The following ZNF33A variants were observed in gnomAD, a reference collection of about 807,000 sequenced individuals.
The protein encoded by ZNF33A is brain my041 protein.
In ZNF33A, 9 loss-of-function variants were observed where a neutral mutation model predicts 15.9. The observed-to-expected ratio is 0.57, with a 90% CI of 0.34 to 0.99. ZNF33A has a LOEUF of 0.99. Among genes scored for constraint, ZNF33A ranks in the 50% least tolerant of loss-of-function variants. ZNF33A has a pLI of 0.02. For synonymous variants in ZNF33A, 294 were observed against 324.2 expected, an observed-to-expected ratio of 0.91 and a Z score of 1.00; for missense variants, 843 against 941.6, an observed-to-expected ratio of 0.90 and a Z score of 1.37.
intron 4 of ZNF33A, among the ~76,000 whole-genome samples, chr10:38,023,643 AT>A (rs1564840650): frequency 3.9e-5 from 6 of 152,234 alleles, no homozygotes; most frequent in Non-Finnish European, 8.8e-5. Context: ...CAAAATATTT[AT>A]AGCAAATATA....
At chr10:38,028,867 G>T (rs1314715062) in intron 4 of ZNF33A, among the ~76,000 whole-genome samples, 1 of 152,042 alleles carries the variant, frequency 6.6e-6, no homozygotes, top group Non-Finnish European at 1.5e-5. Flanking sequence ...TAACCATGGG[G>T]ATTGCTTTCA....
chr10:38,057,322 C>T lies in ZNF33A; in HGVS notation c.*762C>T. The T allele has an allele frequency of 1.0e-6, 1 of 985,366 alleles. No homozygotes were observed. The allele number at this position is 985,366 out of a possible 1,614,324, so 61.0% of individuals were successfully genotyped here. A position where few individuals can be genotyped will look rare whatever the true frequency, so the allele number is the denominator to read the frequency against. On this transcript the variant is annotated 3_prime_UTR_variant, in exon 5 of 5. Transcript: ENST00000432900. Reference sequence around the variant, plus strand: ...TTTCTGCAACCCTATCCCTTGCATCCACTTGACTATGAAGTTTTTTTAAAG... The same window carrying T: ...TTTCTGCAACCCTATCCCTTGCATCTACTTGACTATGAAGTTTTTTTAAAG...
chr10:38,037,425 G>A (rs544234395), intron 4 of ZNF33A, among the ~76,000 whole-genome samples: 7 of 151,846 alleles, frequency 4.6e-5, no homozygotes, highest in Admixed American at 2.0e-4. Context: ...CTGGGTTCAC[G>A]CAAGTCTCCT....
At chr10:38,033,285 A>G (rs1247330118) in intron 4 of ZNF33A, among the ~76,000 whole-genome samples, 2 of 152,162 alleles carry the variant, frequency 1.3e-5, no homozygotes, top group Non-Finnish European at 2.9e-5. Flanking sequence ...ATGTATCAAT[A>G]TTTCACTTGT....
At chr10:38,053,428 A>C (rs2066303471) in intron 4 of ZNF33A, among the ~76,000 whole-genome samples, 1 of 152,130 alleles carries the variant, frequency 6.6e-6, no homozygotes, top group African/African-American at 2.4e-5. Context: ...TTCTTCTTAT[A>C]AGGACACCAA....
intron 4 of ZNF33A, among the ~76,000 whole-genome samples, chr10:38,030,152 A>G (rs1429971574): frequency 1.3e-5 from 2 of 152,202 alleles, no homozygotes; most frequent in Admixed American, 6.5e-5. Flanking sequence ...TATGTTTTTG[A>G]TGGCATGTAA....
At chr10:38,019,174 C>T (rs567977482) in intron 4 of ZNF33A, among the ~76,000 whole-genome samples, 21 of 151,644 alleles carry the variant, frequency 1.4e-4, no homozygotes, top group African/African-American at 4.4e-4. Flanking sequence ...TGTGATGTTC[C>T]CCTTCCTGTG....
At chr10:38,065,378 G>T (rs2066700546), downstream of ZNF33A, among the ~76,000 whole-genome samples, 1 of 152,118 alleles carries the variant, frequency 6.6e-6, no homozygotes. Flanking sequence ...CCAGGAATGT[G>T]CTTTTAATCA....
At position 38,018,971 on chromosome 10, in the gene ZNF33A, A is replaced by AATTTT. The variant is rs911148989; in HGVS notation, c.250+1604_250+1608dup. ...TTTTTTTTTAATTTGAGCTTGTGAT[A>AATTTT]ATTTTATTTTATTTTATTTTATTAT... On this transcript the variant is annotated intron_variant, in intron 4 of 4. Coordinates refer to ENST00000432900, the MANE Select transcript of ZNF33A (RefSeq NM_006954.2). 3.3e-5 allele frequency among the ~76,000 whole-genome samples: 5 copies of AATTTT among 151,712 alleles called. No homozygotes were observed. The South Asian group carries it at 8.3e-4, about 25-fold the overall frequency.
chr10:38,010,933 C>T (rs911768006), intron 1 of ZNF33A, 150 bp downstream of exon 1: 2 of 933,258 alleles, frequency 2.1e-6, no homozygotes, highest in Non-Finnish European at 3.2e-6. Flanking sequence ...GTGTGGGCCA[C>T]GACGCTAGGC....
intron 4 of ZNF33A, among the ~76,000 whole-genome samples, chr10:38,030,201 A>G (rs534764334): frequency 7.6e-4 from 116 of 152,342 alleles, no homozygotes; most frequent in Middle Eastern, 3.4e-3. Context: ...TGTCAGTTCC[A>G]TTTAAAACTA....
rs1029508589 is a variant in ZNF33A, at chr10:38,059,087, A to G, written c.*2527A>G. 1 of 152,228 alleles carries G rather than the reference A, an allele frequency of 6.6e-6. No homozygotes were observed. The highest frequency in any genetic ancestry group is 6.5e-5 in the Admixed American group (1 of 15,278). The allele number at this position is 152,228 out of a possible 1,614,324, so 9.4% of individuals were successfully genotyped here. A position where few individuals can be genotyped will look rare whatever the true frequency, so the allele number is the denominator to read the frequency against. On this transcript the variant is annotated 3_prime_UTR_variant, in exon 5 of 5. Coordinates refer to ENST00000432900, the MANE Select transcript of ZNF33A (RefSeq NM_006954.2). ...TTTGATATTCAGTGTAATCCATTGC[A>G]TGCATTAGCAGCTCAAAGATGAAAT...
intron 4 of ZNF33A, among the ~76,000 whole-genome samples, chr10:38,049,096 A>G (rs1423434321): frequency 1.3e-5 from 2 of 152,286 alleles, no homozygotes; most frequent in East Asian, 3.9e-4. Context: ...AGGGGTTTAA[A>G]TTTAGTTAAA....
chr10:38,050,320 C>T (rs1486417438), intron 4 of ZNF33A, among the ~76,000 whole-genome samples: 1 of 152,168 alleles, frequency 6.6e-6, no homozygotes, highest in East Asian at 1.9e-4. Flanking sequence ...TGGTTAATCC[C>T]TGGCAGGCTT....
At chr10:38,029,158 T>A (rs938923400) in intron 4 of ZNF33A, among the ~76,000 whole-genome samples, 3 of 152,230 alleles carry the variant, frequency 2.0e-5, no homozygotes, top group African/African-American at 7.2e-5. Flanking sequence ...GAAATCTTTA[T>A]TTTTTCCTCC....
chr10:38,029,482 G>A (rs1476173787), intron 4 of ZNF33A, among the ~76,000 whole-genome samples: 3 of 152,214 alleles, frequency 2.0e-5, no homozygotes, highest in East Asian at 1.9e-4. Context: ...ATTTGAAGTC[G>A]CCTTTTTCCT....
At chr10:38,025,622 G>A (rs1405157662) in intron 4 of ZNF33A, among the ~76,000 whole-genome samples, 3 of 152,246 alleles carry the variant, frequency 2.0e-5, no homozygotes, top group Non-Finnish European at 2.9e-5. Context: ...ATTTGGAACC[G>A]TGAGGAAATA....
chr10:38,058,663 C>G lies in ZNF33A; in HGVS notation c.*2103C>G, dbSNP rs1356311512. ...GCATGCGTGTGTAGTCGAAGCTACT[C>G]AGGAGGCTGAGGCAGAAGAATCACT... On this transcript the variant is annotated 3_prime_UTR_variant, in exon 5 of 5. Transcript: ENST00000432900. 1 of 152,222 alleles carries G rather than the reference C, an allele frequency of 6.6e-6. No homozygotes were observed. The highest frequency in any genetic ancestry group is 1.9e-4 in the East Asian group (1 of 5,194). 9.4% of individuals were successfully genotyped at this position (152,222 alleles called of 1,614,324 possible).
At chr10:38,013,952 A>T (rs1159200381) in intron 2 of ZNF33A, among the ~76,000 whole-genome samples, 1 of 151,182 alleles carries the variant, frequency 6.6e-6, no homozygotes, top group Admixed American at 6.6e-5. Context: ...CATATAAGCC[A>T]CAGTATCTGG....
Sources: gnomAD v4.1 joint callset for allele counts (sites outside exome capture counted in the v4.1 genomes callset) on GRCh38, gnomAD v4.1.1 for gene constraint, MANE v1.5 for transcripts, NCBI Gene and HGNC (gene_info 2026-07-23, HGNC 2026-07-21) for gene names.